The following CTNND2 variants were observed in gnomAD, a reference collection of about 807,000 sequenced individuals.
CTNND2 encodes the protein catenin delta-2.
Under a neutral mutation model 144.4 loss-of-function variants are expected in CTNND2, and 22 were observed. The observed-to-expected ratio is 0.15, with a 90% confidence interval of 0.11 to 0.22. CTNND2 has a LOEUF of 0.22. CTNND2 is among the 10% of genes least tolerant of loss of function. The probability of loss-of-function intolerance (pLI) is 1.00; values close to 1 mark genes in which losing one functional copy is unlikely to be tolerated. For missense variants in CTNND2, 1,353 were observed against 1,618.8 expected, an observed-to-expected ratio of 0.84 and a Z score of 2.82; for synonymous variants, 751 against 695.6, an observed-to-expected ratio of 1.08 and a Z score of -1.25.
intron 3 of CTNND2, among the ~76,000 whole-genome samples, chr5:11,484,154 T>C (rs1768572127): frequency 6.6e-6 from 1 of 152,204 alleles, no homozygotes; most frequent in Admixed American, 6.5e-5. Context: ...TCCTTAACTA[T>C]GACTGAGCTG....
chr5:11,353,354 C>A (rs116269073), intron 8 of CTNND2, among the ~76,000 whole-genome samples: 1 of 152,232 alleles, frequency 6.6e-6, no homozygotes, highest in African/African-American at 2.4e-5. Flanking sequence ...CTCTCCTCCA[C>A]TGTTCGGCAC....
intron 1 of CTNND2, among the ~76,000 whole-genome samples, chr5:11,774,456 C>T (rs914372306): frequency 1.8e-4 from 26 of 145,278 alleles, no homozygotes; most frequent in African/African-American, 5.0e-4. Context: ...TGCTAGATGA[C>T]GAGTTAGTGG....
intron 1 of CTNND2, among the ~76,000 whole-genome samples, chr5:11,873,819 A>C (rs1735344775): frequency 6.6e-6 from 1 of 152,220 alleles, no homozygotes; most frequent in South Asian, 2.1e-4. Flanking sequence ...GCAGCTTCAC[A>C]GTAGCCTTGC....
chr5:11,298,841 C>T (rs577815982), intron 9 of CTNND2, among the ~76,000 whole-genome samples: 40 of 152,246 alleles, frequency 2.6e-4, no homozygotes, highest in African/African-American at 9.1e-4. Flanking sequence ...TCCTTAGATA[C>T]AAAATGGGAG....
At chr5:11,660,855 C>A (rs1367409761) in intron 2 of CTNND2, among the ~76,000 whole-genome samples, 1 of 151,926 alleles carries the variant, frequency 6.6e-6, no homozygotes, top group Non-Finnish European at 1.5e-5. Context: ...GTACACAAAT[C>A]TATGTAGGAT....
intron 2 of CTNND2, among the ~76,000 whole-genome samples, chr5:11,597,600 C>G (rs1447963740): frequency 6.6e-6 from 1 of 150,696 alleles, no homozygotes; most frequent in African/African-American, 2.4e-5. Context: ...TTTTTTGAAA[C>G]AGAGTGTCAG....
chr5:11,689,745 T>TA (rs148243860), intron 2 of CTNND2, among the ~76,000 whole-genome samples: 16,526 of 150,746 alleles, frequency 0.11, 2,988 homozygotes, highest in African/African-American at 0.38. Flanking sequence ...AGTATCTTCA[T>TA]AAAAAAAAAG....
intron 1 of CTNND2, among the ~76,000 whole-genome samples, chr5:11,790,178 T>A (rs939985683): frequency 6.6e-6 from 1 of 152,224 alleles, no homozygotes. Flanking sequence ...GGGTATCCTG[T>A]ATTGCTTATC....
At chr5:11,848,302 G>A (rs1277563274) in intron 1 of CTNND2, among the ~76,000 whole-genome samples, 1 of 151,884 alleles carries the variant, frequency 6.6e-6, no homozygotes, top group African/African-American at 2.4e-5. Flanking sequence ...ATTATAGTTA[G>A]GCATGGACAA....
intron 9 of CTNND2, among the ~76,000 whole-genome samples, chr5:11,330,988 CT>C (rs1011303052): frequency 1.1e-3 from 163 of 152,186 alleles, no homozygotes; most frequent in African/African-American, 3.7e-3. Context: ...TCTGTTAATA[CT>C]TCAGTCATCT....
intron 5 of CTNND2, among the ~76,000 whole-genome samples, chr5:11,399,171 T>C (rs1275208223): frequency 2.6e-5 from 4 of 152,218 alleles, no homozygotes; most frequent in Admixed American, 2.6e-4. Context: ...CTGCTGCAGC[T>C]TTCTTGGTTC....
chr5:11,551,915 G>C (rs983489073), intron 3 of CTNND2, among the ~76,000 whole-genome samples: 1 of 151,864 alleles, frequency 6.6e-6, no homozygotes, highest in Non-Finnish European at 1.5e-5. Flanking sequence ...TCAAATTTTG[G>C]ATAGAGATGA....
Position 11,244,278 on chromosome 5 carries a change from C to T in CTNND2, c.1629-7455G>A, listed in dbSNP as rs1042289845. On this transcript the variant is annotated intron_variant, in intron 9 of 21. Transcript: ENST00000304623. The stretch of plus-strand genomic sequence containing the variant: ...ACTAAAAACAAAAAGCTGTCCTATA[C>T]AATTTTTTTTTTTTTTTTTTTTTTT... 5.2e-5 allele frequency among the ~76,000 whole-genome samples: 7 copies of T among 135,840 alleles called. No individual in the cohort carries two copies. In the East Asian group the frequency reaches 6.2e-4, roughly 12 times the overall value. 89.1% of individuals were successfully genotyped at this position (135,840 alleles called of 152,430 possible).
intron 16 of CTNND2, among the ~76,000 whole-genome samples, chr5:11,031,606 C>T (rs1743483374): frequency 6.6e-6 from 1 of 152,084 alleles, no homozygotes; most frequent in South Asian, 2.1e-4. Flanking sequence ...TCTGGTGTGT[C>T]TGTGAGGGTG....
At chr5:11,240,761 C>G (rs1334338469) in intron 9 of CTNND2, among the ~76,000 whole-genome samples, 1 of 140,008 alleles carries the variant, frequency 7.1e-6, no homozygotes, top group Non-Finnish European at 1.6e-5. Flanking sequence ...ACACATCCAA[C>G]AGACAAATAC....
At chr5:11,287,651 T>C (rs2150008682) in intron 9 of CTNND2, among the ~76,000 whole-genome samples, 1 of 152,328 alleles carries the variant, frequency 6.6e-6, no homozygotes, top group Middle Eastern at 3.4e-3. Flanking sequence ...ATACGACCTT[T>C]ACAGTACTAT....
chr5:11,464,053 T>C (rs1042342418), intron 3 of CTNND2, among the ~76,000 whole-genome samples: 2 of 152,186 alleles, frequency 1.3e-5, no homozygotes, highest in African/African-American at 4.8e-5. Flanking sequence ...CAAGAGTTCA[T>C]CTAAGTGATA....
chr5:11,481,882 C>T (rs184078052), intron 3 of CTNND2, among the ~76,000 whole-genome samples: 188 of 152,288 alleles, frequency 1.2e-3, no homozygotes, highest in Non-Finnish European at 1.5e-3. Flanking sequence ...ATTGCCAACA[C>T]GGACAGCCTG....
chr5:11,358,080 C>A lies in CTNND2; in HGVS notation c.1372+6616G>T, dbSNP rs1423492. ...GCTTCTATTCTTTTCAACATTGCTACGCTTAATGATGTAATTCCACGTATG... is the reference window on the plus strand; with the variant it reads ...GCTTCTATTCTTTTCAACATTGCTAAGCTTAATGATGTAATTCCACGTATG... On this transcript the variant is annotated intron_variant, in intron 8 of 21. Transcript: ENST00000304623. Among the ~76,000 whole-genome samples the A allele has an allele frequency of 1.1e-4, 16 of 151,962 alleles. No homozygotes were observed. The East Asian group carries it at 3.1e-3, about 29-fold the overall frequency.
Sources: allele counts gnomAD v4.1 joint callset (sites outside exome capture counted in the v4.1 genomes callset), GRCh38; gene constraint gnomAD v4.1.1; transcripts MANE v1.5; gene names NCBI Gene and HGNC (gene_info 2026-07-23, HGNC 2026-07-21).